TLK2: variants seen among roughly 807,000 people sequenced by gnomAD.
The protein encoded by TLK2 is tousled like kinase 2.
Under a neutral mutation model 117.3 loss-of-function variants are expected in TLK2, and 6 were observed. The ratio of observed to expected loss-of-function variants is 0.05; its 90% CI spans 0.03 to 0.10. The LOEUF (loss-of-function observed/expected upper bound fraction) is 0.10, where lower values mean the gene tolerates loss of function less well. TLK2 is among the 10% of genes least tolerant of loss of function. The probability of loss-of-function intolerance (pLI) is 1.00; values close to 1 mark genes in which losing one functional copy is unlikely to be tolerated. For synonymous variants in TLK2, 257 were observed against 316.7 expected (o/e 0.81, Z 2.00); for missense variants, 299 against 901.2 (o/e 0.33, Z 8.56).
chr17:62,472,010 A>G lies in TLK2; in HGVS notation c.-205+932A>G, dbSNP rs866902110. ...AAGTTCTGCCTCCTGGGTTCGTGCC[A>G]TTCTCCTGCCTCAGCCTCCCAAGTA... On this transcript the variant is annotated intron_variant, in intron 1 of 4. Transcript: ENST00000579450. Among the ~76,000 whole-genome samples, 8 of 136,930 alleles carry G rather than the reference A, an allele frequency of 5.8e-5. 1 individual carries two copies. In the Admixed American group the frequency reaches 6.6e-4, roughly 11 times the overall value. The allele number at this position is 136,930 out of a possible 152,430, so 89.8% of individuals were successfully genotyped here. A position where few individuals can be genotyped will look rare whatever the true frequency, so the allele number is the denominator to read the frequency against.
chr17:62,477,167 A>G (rs1598059964), upstream of TLK2, among the ~76,000 whole-genome samples: 2 of 152,142 alleles, frequency 1.3e-5, no homozygotes, highest in South Asian at 4.1e-4. Flanking sequence ...GCAATTAAAG[A>G]CCTAGCCTCA....
At chr17:62,601,473 G>A (rs778657941) in intron 18 of TLK2, among the ~76,000 whole-genome samples, 8 of 152,308 alleles carry the variant, frequency 5.3e-5, no homozygotes, top group Non-Finnish European at 8.8e-5. Flanking sequence ...TGCATATTGC[G>A]TCTCATTGAC....
At chr17:62,564,899 A>C (rs1233691775) in intron 10 of TLK2, 102 bp from the exon 11 acceptor site, 1 of 1,422,842 alleles carries the variant, frequency 7.0e-7, no homozygotes, top group Non-Finnish European at 9.4e-7. Context: ...TATGGTTTTC[A>C]ATAATATGTT....
chr17:62,592,267 A>T (rs1236346898), intron 16 of TLK2, among the ~76,000 whole-genome samples: 1 of 152,082 alleles, frequency 6.6e-6, no homozygotes, highest in East Asian at 1.9e-4. Context: ...CCAGAACTAC[A>T]TTCTTAAAAT....
chr17:62,566,421 T>C lies in TLK2; in HGVS notation c.968+1284T>C, dbSNP rs1001025277. 5.9e-5 allele frequency among the ~76,000 whole-genome samples: 9 copies of C among 152,268 alleles called. No homozygotes were observed. The South Asian group carries it at 8.3e-4, about 14-fold the overall frequency. On this transcript the variant is annotated intron_variant, in intron 11 of 21. Transcript: ENST00000346027. The stretch of plus-strand genomic sequence containing the variant: ...AGTTAGACGTTAGTAGTCCTTGTTT[T>C]ATGTGTGAAACATTAACCTCCAACT...
intron 9 of TLK2, among the ~76,000 whole-genome samples, chr17:62,553,991 G>T (rs2146233524): frequency 6.6e-6 from 1 of 152,284 alleles, no homozygotes; most frequent in African/African-American, 2.4e-5. Flanking sequence ...TTATATTGGA[G>T]AAATAGATAT....
At chr17:62,593,948 G>A (rs1011627276) in intron 16 of TLK2, among the ~76,000 whole-genome samples, 2 of 151,170 alleles carry the variant, frequency 1.3e-5, no homozygotes, top group Admixed American at 6.6e-5. Flanking sequence ...GCACACCACC[G>A]CTCCCTGCTG....
In TLK2 at chr17:62,546,465, A is replaced by G. The variant is rs1598489540; in HGVS notation, c.532-5837A>G. The stretch of plus-strand genomic sequence containing the variant: ...CTCTAGAAAGCCATTAGATAGTTTC[A>G]GGGTCTCTGTGCTATTCATGTTTCT... On this transcript the variant is annotated intron_variant, in intron 7 of 21. Transcript: ENST00000346027. Among the ~76,000 whole-genome samples, 5 of 145,800 alleles carry G rather than the reference A, an allele frequency of 3.4e-5. 1 individual carries two copies. In the East Asian group the frequency reaches 9.8e-4, roughly 29 times the overall value.
At chr17:62,510,278 A>T (rs547535391) in intron 2 of TLK2, among the ~76,000 whole-genome samples, 1 of 152,164 alleles carries the variant, frequency 6.6e-6, no homozygotes, top group African/African-American at 2.4e-5. Context: ...TCTCAAAAAA[A>T]ATTACCCAGT....
chr17:62,552,502 G>A (rs2078545639), intron 8 of TLK2, 105 bp downstream of exon 8: 1 of 1,551,448 alleles, frequency 6.4e-7, no homozygotes, highest in South Asian at 1.2e-5. Context: ...GTATTTCTCT[G>A]ACCACCTCAT....
intron 6 of TLK2, among the ~76,000 whole-genome samples, chr17:62,527,826 T>G (rs1451069587): frequency 6.6e-6 from 1 of 151,982 alleles, no homozygotes; most frequent in Admixed American, 6.6e-5. Context: ...CACCGCAACC[T>G]CCGCCTTCCA....
chr17:62,570,297 T>G (rs2080175003), intron 11 of TLK2, among the ~76,000 whole-genome samples: 1 of 152,150 alleles, frequency 6.6e-6, no homozygotes, highest in African/African-American at 2.4e-5. Context: ...TTATTTAGAT[T>G]TGAATGAGAT....
chr17:62,558,455 C>T (rs2079024930), intron 9 of TLK2, among the ~76,000 whole-genome samples: 1 of 152,168 alleles, frequency 6.6e-6, no homozygotes, highest in South Asian at 2.1e-4. Context: ...GAGCCACGCT[C>T]ACCAGCTGCC....
At chr17:62,554,001 T>C (rs1473183323) in intron 9 of TLK2, among the ~76,000 whole-genome samples, 7 of 152,206 alleles carry the variant, frequency 4.6e-5, no homozygotes, top group Admixed American at 4.6e-4. Context: ...GAAATAGATA[T>C]GTGGAGTGTT....
chr17:62,552,008 T>C (rs1316037766), intron 7 of TLK2: 12 of 383,762 alleles, frequency 3.1e-5, no homozygotes, highest in African/African-American at 2.1e-4. Context: ...AGGCAAGTTA[T>C]TACAGGAATA....
chr17:62,574,542 A>T, intron 12 of TLK2: 1 of 625,332 alleles, frequency 1.6e-6, no homozygotes, highest in Non-Finnish European at 2.8e-6. Flanking sequence ...TTTTGAGACG[A>T]AGTCTCACTC....
intron 6 of TLK2, among the ~76,000 whole-genome samples, chr17:62,527,968 CTT>C (rs2076490027): frequency 6.6e-6 from 1 of 152,144 alleles, no homozygotes; most frequent in Non-Finnish European, 1.5e-5. Context: ...GTCTCGATCT[CTT>C]GACCTCGTGA....
chr17:62,472,646 G>C (rs1198768394), intron 1 of TLK2, among the ~76,000 whole-genome samples: 1 of 151,830 alleles, frequency 6.6e-6, no homozygotes, highest in East Asian at 1.9e-4. Context: ...GCTGAAGCAG[G>C]AGAATCTCTT....
At chr17:62,507,347 A>T (rs904242292) in intron 2 of TLK2, 2 of 152,178 alleles carry the variant, frequency 1.3e-5, no homozygotes, top group African/African-American at 4.8e-5. Context: ...ATCAAGGAAG[A>T]ACTTAACAGA....
Sources: allele counts gnomAD v4.1 joint callset (sites outside exome capture counted in the v4.1 genomes callset), GRCh38; gene constraint gnomAD v4.1.1; transcripts MANE v1.5; gene names NCBI Gene and HGNC (gene_info 2026-07-23, HGNC 2026-07-21).